The following TGFA variants were observed in gnomAD, a reference collection of about 807,000 sequenced individuals.
TGFA encodes protransforming growth factor alpha.
Under a neutral mutation model 21.7 loss-of-function variants are expected in TGFA, and 12 were observed. The ratio of observed to expected loss-of-function variants is 0.55; its 90% CI spans 0.35 to 0.90. TGFA has a LOEUF of 0.90. Ranked by LOEUF, TGFA falls within the 40% of genes least tolerant of loss-of-function variation. The pLI is 0.01. For missense variants in TGFA, 178 were observed against 210.8 expected, an observed-to-expected ratio of 0.84 and a Z score of 0.96; for synonymous variants, 79 against 88.1, an observed-to-expected ratio of 0.90 and a Z score of 0.58.
chr2:70,475,869 GGA>G (rs1670904855), intron 2 of TGFA, among the ~76,000 whole-genome samples: 1 of 151,874 alleles, frequency 6.6e-6, no homozygotes, highest in Non-Finnish European at 1.5e-5. Flanking sequence ...GGCACAAGGA[GGA>G]GAGAGGCAGG....
chr2:70,536,075 T>G (rs147786483), intron 1 of TGFA, among the ~76,000 whole-genome samples: 4 of 152,212 alleles, frequency 2.6e-5, no homozygotes, highest in African/African-American at 9.6e-5. Context: ...AACTTCTCAT[T>G]CACAAGTACT....
At chr2:70,474,999 TG>T (rs1670879570) in intron 2 of TGFA, among the ~76,000 whole-genome samples, 1 of 151,902 alleles carries the variant, frequency 6.6e-6, no homozygotes. Flanking sequence ...TGTGTGTGTG[TG>T]TGTGTACTGG....
chr2:70,512,848 C>T (rs1672145436), intron 2 of TGFA, among the ~76,000 whole-genome samples: 1 of 152,200 alleles, frequency 6.6e-6, no homozygotes, highest in South Asian at 2.1e-4. Flanking sequence ...GCAGTGTCAG[C>T]ACTTGCCATC....
intron 1 of TGFA, among the ~76,000 whole-genome samples, chr2:70,532,865 CTTTTT>C (rs5832016): frequency 1.4e-5 from 2 of 145,082 alleles, no homozygotes; most frequent in African/African-American, 5.2e-5. Context: ...TATTCTTTTT[CTTTTT>C]TTTTTTTTTT....
At position 70,490,267 on chromosome 2, in the gene TGFA, C is replaced by G. The variant is rs542149505; in HGVS notation, c.95-24531G>C. 6.4e-4 allele frequency among the ~76,000 whole-genome samples: 97 copies of G among 152,264 alleles called. 2 individuals carry two copies. In the South Asian group the frequency reaches 0.02, roughly 31 times the overall value. ...TACCATATAGTGTCAATAAATGATGCACTTGAGAAAATAACAACGAATTGC... is the reference window on the plus strand; with the variant it reads ...TACCATATAGTGTCAATAAATGATGGACTTGAGAAAATAACAACGAATTGC... On this transcript the variant is annotated intron_variant, in intron 2 of 5. Coordinates refer to ENST00000295400, the MANE Select transcript of TGFA (RefSeq NM_003236.4).
chr2:70,474,317 C>G (rs1670860386), intron 2 of TGFA, among the ~76,000 whole-genome samples: 1 of 152,228 alleles, frequency 6.6e-6, no homozygotes, highest in African/African-American at 2.4e-5. Context: ...TCAGTTTTCT[C>G]TGATATTGAG....
intron 2 of TGFA, among the ~76,000 whole-genome samples, chr2:70,484,729 G>A (rs1553496323): frequency 2.6e-5 from 4 of 152,180 alleles, no homozygotes. Flanking sequence ...GATAGAATCT[G>A]CCATTCCTGA....
At position 70,449,236 on chromosome 2, in the gene TGFA, A is replaced by C. The variant is rs1182401646; in HGVS notation, c.*1623T>G. 1 of 152,246 alleles carries C rather than the reference A, an allele frequency of 6.6e-6. No individual in the cohort carries two copies. The highest frequency in any genetic ancestry group is 2.4e-5 in the African/African-American group (1 of 41,456). The allele number at this position is 152,246 out of a possible 1,614,324, so 9.4% of individuals were successfully genotyped here. A position where few individuals can be genotyped will look rare whatever the true frequency, so the allele number is the denominator to read the frequency against. On this transcript the variant is annotated 3_prime_UTR_variant, in exon 6 of 6. Transcript: ENST00000295400. ...TAGAAATTGTTCTTCCAGACCAAGG[A>C]AGAAGAATTAGGGGAAGACAAAATT...
intron 1 of TGFA, among the ~76,000 whole-genome samples, chr2:70,546,154 T>C (rs1673295154): frequency 6.6e-6 from 1 of 152,222 alleles, no homozygotes; most frequent in Admixed American, 6.5e-5. Flanking sequence ...CAAACATTTC[T>C]GTACAAGAAT....
At chr2:70,453,155 C>T (rs1352017443) in intron 5 of TGFA, 63 bp downstream of exon 5, 3 of 1,443,106 alleles carry the variant, frequency 2.1e-6, no homozygotes, top group East Asian at 2.3e-5. Flanking sequence ...TCTGCCCTGA[C>T]TTGGAGAAGG....
At chr2:70,458,073 C>T (rs1489280334) in intron 3 of TGFA, among the ~76,000 whole-genome samples, 3 of 152,112 alleles carry the variant, frequency 2.0e-5, no homozygotes, top group East Asian at 1.9e-4. Flanking sequence ...TGACTTTCAA[C>T]GGCTCAGGGG....
Position 70,458,455 on chromosome 2 carries a change from C to T in TGFA, c.216-1967G>A, listed in dbSNP as rs572327068. ...CCACCCCTGTACTTTATCTCCCACC[C>T]ACCTAGGTTCCAGCCAATCCAAGTT... On this transcript the variant is annotated intron_variant, in intron 3 of 5. Transcript: ENST00000295400. Among the ~76,000 whole-genome samples, 4 of 152,258 alleles carry T rather than the reference C, an allele frequency of 2.6e-5. No individual in the cohort carries two copies. The South Asian group carries it at 6.2e-4, about 24-fold the overall frequency.
chr2:70,516,547 C>T (rs1672284438), intron 1 of TGFA, among the ~76,000 whole-genome samples: 1 of 152,112 alleles, frequency 6.6e-6, no homozygotes, highest in African/African-American at 2.4e-5. Flanking sequence ...GGCAGGGGGA[C>T]AGGGAGAGAA....
intron 2 of TGFA, among the ~76,000 whole-genome samples, chr2:70,509,087 A>G (rs454305): frequency 0.43 from 65,710 of 152,064 alleles, 15,815 homozygotes; most frequent in African/African-American, 0.66. Context: ...AACACAAATG[A>G]GTGTATGTGG....
intron 2 of TGFA, among the ~76,000 whole-genome samples, chr2:70,495,996 T>A (rs1671563557): frequency 6.6e-6 from 1 of 152,196 alleles, no homozygotes; most frequent in Non-Finnish European, 1.5e-5. Context: ...ACTCATATAA[T>A]TTGTAGAAAT....
At chr2:70,537,043 C>T (rs1298198985) in intron 1 of TGFA, among the ~76,000 whole-genome samples, 6 of 147,464 alleles carry the variant, frequency 4.1e-5, no homozygotes, top group African/African-American at 1.5e-4. Flanking sequence ...ATCTATCCAA[C>T]AGCAAGCGCT....
chr2:70,546,923 T>C (rs1158018951), intron 1 of TGFA, among the ~76,000 whole-genome samples: 14 of 152,290 alleles, frequency 9.2e-5, no homozygotes, highest in Middle Eastern at 3.4e-3. Context: ...CATAGAAAAA[T>C]AAAGGATTTA....
intron 1 of TGFA, among the ~76,000 whole-genome samples, chr2:70,519,350 G>A: frequency 6.6e-6 from 1 of 152,188 alleles, no homozygotes. Flanking sequence ...TAGGTTCATG[G>A]CATCTTCCCT....
chr2:70,484,788 A>T (rs1227753222), intron 2 of TGFA, among the ~76,000 whole-genome samples: 1 of 152,154 alleles, frequency 6.6e-6, no homozygotes, highest in African/African-American at 2.4e-5. Context: ...TCTAAGGGTG[A>T]TTCTCCAGCT....
Sources: allele counts gnomAD v4.1 joint callset (sites outside exome capture counted in the v4.1 genomes callset), GRCh38; gene constraint gnomAD v4.1.1; transcripts MANE v1.5; gene names NCBI Gene and HGNC (gene_info 2026-07-23, HGNC 2026-07-21).